GPHN: variants seen among roughly 807,000 people sequenced by gnomAD.
The protein encoded by GPHN is gephyrin.
Under a neutral mutation model 95.5 loss-of-function variants are expected in GPHN, and 17 were observed. The ratio of observed to expected loss-of-function variants is 0.18; its 90% confidence interval spans 0.12 to 0.27. The LOEUF (loss-of-function observed/expected upper bound fraction) is 0.27. GPHN is among the 10% of genes least tolerant of loss of function. The pLI is 1.00. For synonymous variants in GPHN, 320 were observed against 322.5 expected (o/e 0.99, Z 0.08); for missense variants, 660 against 978.1 (o/e 0.67, Z 4.34).
chr14:67,384,373 T>C, the GPHN span: 3 of 152,174 alleles, frequency 2.0e-5, no homozygotes, highest in East Asian at 1.9e-4. Flanking sequence ...TGTTGTTTTT[T>C]TTTTTTTACA....
chr14:67,482,722 A>T, the GPHN span, among the ~76,000 whole-genome samples: 3 of 152,214 alleles, frequency 2.0e-5, no homozygotes, highest in East Asian at 3.8e-4. Flanking sequence ...GGAGGAAAAT[A>T]GGGCTTGCCC....
the GPHN span, chr14:67,733,714 CCTGGAAT>C: frequency 7.0e-7 from 1 of 1,438,168 alleles, no homozygotes; most frequent in South Asian, 1.1e-5. Context: ...AATTCTCATT[CCTGGAAT>C]TTACTGTCTT....
the GPHN span, among the ~76,000 whole-genome samples, chr14:67,323,203 A>G: frequency 2.3e-4 from 32 of 141,920 alleles, no homozygotes; most frequent in Middle Eastern, 3.5e-3. Flanking sequence ...TTATATGTGT[A>G]TATATATACA....
intron 9 of GPHN, among the ~76,000 whole-genome samples, chr14:67,015,505 T>C (rs2073256491): frequency 1.3e-5 from 2 of 152,104 alleles, no homozygotes; most frequent in African/African-American, 4.8e-5. Context: ...GAGACCAGCC[T>C]GAGTAACACA....
At chr14:66,994,808 CA>C (rs1403900390) in intron 9 of GPHN, among the ~76,000 whole-genome samples, 2 of 152,114 alleles carry the variant, frequency 1.3e-5, no homozygotes, top group African/African-American at 4.8e-5. Flanking sequence ...ACCATATTTT[CA>C]AAAGTACCTC....
intron 6 of GPHN, among the ~76,000 whole-genome samples, chr14:66,917,411 A>G (rs1003360215): frequency 2.6e-5 from 4 of 152,180 alleles, no homozygotes; most frequent in East Asian, 3.9e-4. Context: ...CTAAGAAACA[A>G]TGTCATCTCT....
intron 1 of GPHN, among the ~76,000 whole-genome samples, chr14:66,526,570 A>G (rs1023177546): frequency 1.1e-4 from 16 of 152,106 alleles, no homozygotes; most frequent in Non-Finnish European, 2.2e-4. Flanking sequence ...TTTCAAAGGG[A>G]ATGCTTCTGG....
chr14:67,643,852 TAAAAAAAAAAAAAAAA>T, the GPHN span, among the ~76,000 whole-genome samples: 476 of 81,220 alleles, frequency 5.9e-3, 5 homozygotes, highest in African/African-American at 0.021. Context: ...TCCTTGGGAG[TAAAAAAAAAAAAAAAA>T]AAAAAAAAAA....
At chr14:67,350,592 C>T in the GPHN span, 1 of 1,601,170 alleles carries the variant, frequency 6.2e-7, no homozygotes, top group Non-Finnish European at 8.5e-7. Context: ...CTTCAAAACA[C>T]CCCGTTTAGT....
At chr14:67,641,973 A>G in the GPHN span, among the ~76,000 whole-genome samples, 1 of 152,326 alleles carries the variant, frequency 6.6e-6, no homozygotes, top group Middle Eastern at 3.4e-3. Context: ...GGGTTAAGTC[A>G]ATCGATATCT....
chr14:66,674,001 A>G (rs189601288), intron 1 of GPHN, among the ~76,000 whole-genome samples: 3 of 152,304 alleles, frequency 2.0e-5, no homozygotes, highest in East Asian at 1.9e-4. Flanking sequence ...TGAACATTCA[A>G]AAGCTTCTCT....
the GPHN span, among the ~76,000 whole-genome samples, chr14:67,553,539 C>A: frequency 6.6e-6 from 1 of 152,322 alleles, no homozygotes; most frequent in East Asian, 1.9e-4. Context: ...AGCCTCTGAT[C>A]TCTTGATTCC....
chr14:67,293,763 G>C, the GPHN span, among the ~76,000 whole-genome samples: 2 of 152,128 alleles, frequency 1.3e-5, no homozygotes, highest in East Asian at 3.8e-4. Flanking sequence ...CAAGTGAACT[G>C]GTTTCAAATC....
the GPHN span, among the ~76,000 whole-genome samples, chr14:67,259,458 A>G: frequency 6.6e-6 from 1 of 151,956 alleles, no homozygotes; most frequent in Non-Finnish European, 1.5e-5. Flanking sequence ...TAAAAATATA[A>G]AAAATCAGCC....
intron 9 of GPHN, chr14:66,969,311 A>G (rs1043587525): frequency 3.9e-5 from 6 of 152,326 alleles, no homozygotes; most frequent in Middle Eastern, 3.4e-3. Flanking sequence ...GCCTAAGTCA[A>G]ATAGTACATA....
the GPHN span, chr14:67,650,267 T>C: frequency 4.7e-6 from 1 of 214,822 alleles, no homozygotes; most frequent in Middle Eastern, 1.9e-3. Flanking sequence ...AGTTCAAAAG[T>C]GGGAATGCAG....
the GPHN span, chr14:67,586,107 A>G: frequency 1.5e-5 from 24 of 1,613,494 alleles, no homozygotes; most frequent in Admixed American, 3.7e-4. Context: ...GGTAGGTCTG[A>G]CAGCTGTTAA....
chr14:67,265,812 GC>G, the GPHN span, among the ~76,000 whole-genome samples: 1 of 142,066 alleles, frequency 7.0e-6, no homozygotes, highest in Non-Finnish European at 1.5e-5. Context: ...AGCCAAAATC[GC>G]GCCACTGCAC....
chr14:66,852,564 C>G (rs1168776639), intron 4 of GPHN, among the ~76,000 whole-genome samples: 1 of 152,170 alleles, frequency 6.6e-6, no homozygotes, highest in Non-Finnish European at 1.5e-5. Flanking sequence ...AAATTGCTCT[C>G]TCTTTTTATT....
Sources: gnomAD v4.1 joint callset for allele counts (sites outside exome capture counted in the v4.1 genomes callset) on GRCh38, gnomAD v4.1.1 for gene constraint, MANE v1.5 for transcripts, NCBI Gene and HGNC (gene_info 2026-07-23, HGNC 2026-07-21) for gene names.